MAP7: variants seen among roughly 807,000 people sequenced by gnomAD.
The protein encoded by MAP7 is microtubule associated protein 7.
In MAP7, 52 loss-of-function variants were observed where a neutral mutation model predicts 94.8. The ratio of observed to expected loss-of-function variants is 0.55; its 90% CI spans 0.44 to 0.69. The LOEUF (loss-of-function observed/expected upper bound fraction) is 0.69, where lower values mean the gene tolerates loss of function less well. Among genes scored for constraint, MAP7 ranks in the 30% least tolerant of loss-of-function variants. MAP7 has a pLI of 0.00. For missense variants in MAP7, 940 were observed against 964.6 expected, an observed-to-expected ratio of 0.97 and a Z score of 0.34; for synonymous variants, 350 against 357.0, an observed-to-expected ratio of 0.98 and a Z score of 0.22.
At chr6:136,438,361 C>G (rs1303035115) in intron 1 of MAP7, among the ~76,000 whole-genome samples, 1 of 152,196 alleles carries the variant, frequency 6.6e-6, no homozygotes. Flanking sequence ...CAGAAAGGGT[C>G]TGAATCTAAC....
At chr6:136,463,412 G>GA (rs1269755836) in intron 1 of MAP7, among the ~76,000 whole-genome samples, 5 of 152,116 alleles carry the variant, frequency 3.3e-5, no homozygotes, top group Non-Finnish European at 7.4e-5. Context: ...GCTAAATTGT[G>GA]AATAAAATCC....
At chr6:136,536,016 G>A (rs920858897) in intron 1 of MAP7, among the ~76,000 whole-genome samples, 8 of 151,900 alleles carry the variant, frequency 5.3e-5, no homozygotes, top group Non-Finnish European at 1.2e-4. Context: ...TTGTCCTGGC[G>A]ATAGTTTGTT....
intron 1 of MAP7, among the ~76,000 whole-genome samples, chr6:136,450,081 CAGA>C (rs1800629759): frequency 6.6e-6 from 1 of 152,128 alleles, no homozygotes; most frequent in South Asian, 2.1e-4. Context: ...CCCAGCTACT[CAGA>C]AGGCTGAGGC....
At chr6:136,418,911 G>C (rs944651877) in intron 2 of MAP7, among the ~76,000 whole-genome samples, 1 of 152,120 alleles carries the variant, frequency 6.6e-6, no homozygotes, top group Non-Finnish European at 1.5e-5. Context: ...TGACATGGTG[G>C]TTACTAAATC....
intron 1 of MAP7, chr6:136,525,726 C>T: frequency 7.8e-7 from 1 of 1,279,162 alleles, no homozygotes; most frequent in Non-Finnish European, 1.0e-6. Flanking sequence ...GTCACAAGCA[C>T]TCCCTGGAGC....
At chr6:136,438,401 T>C (rs1475759912) in intron 1 of MAP7, among the ~76,000 whole-genome samples, 1 of 152,238 alleles carries the variant, frequency 6.6e-6, no homozygotes, top group African/African-American at 2.4e-5. Flanking sequence ...TGCTTGGTTT[T>C]CATTCATCAT....
chr6:136,463,194 T>C (rs1363512800), intron 1 of MAP7, among the ~76,000 whole-genome samples: 5 of 152,250 alleles, frequency 3.3e-5, no homozygotes, highest in African/African-American at 9.6e-5. Flanking sequence ...ATGATACTTA[T>C]GAAGAATTAA....
At chr6:136,418,746 C>CT (rs1334031653) in intron 2 of MAP7, among the ~76,000 whole-genome samples, 2,175 of 150,400 alleles carry the variant, frequency 0.014, 49 homozygotes, top group African/African-American at 0.05. Context: ...ATATAATGAA[C>CT]TTTTTTTTTT....
intron 1 of MAP7, among the ~76,000 whole-genome samples, chr6:136,472,847 A>T (rs1031230457): frequency 4.6e-5 from 7 of 152,100 alleles, no homozygotes; most frequent in African/African-American, 1.7e-4. Context: ...AAAAAAATAA[A>T]TAAAAATAAA....
At chr6:136,525,884 G>A in intron 1 of MAP7, 1 of 1,535,398 alleles carries the variant, frequency 6.5e-7, no homozygotes, top group Non-Finnish European at 8.7e-7. Flanking sequence ...CCTCATTAAT[G>A]GTGAATAAAC....
intron 7 of MAP7, among the ~76,000 whole-genome samples, chr6:136,374,468 C>T (rs993362591): frequency 2.0e-5 from 3 of 152,162 alleles, no homozygotes; most frequent in Non-Finnish European, 4.4e-5. Flanking sequence ...AGGGCACAGC[C>T]GGAGGCCATT....
intron 1 of MAP7, among the ~76,000 whole-genome samples, chr6:136,458,315 T>A (rs902596200): frequency 1.1e-4 from 16 of 152,120 alleles, no homozygotes; most frequent in Non-Finnish European, 2.2e-4. Context: ...TGGTTATGGA[T>A]GGGAAAACTT....
chr6:136,501,102 T>C (rs535202521), intron 1 of MAP7, among the ~76,000 whole-genome samples: 110 of 152,328 alleles, frequency 7.2e-4, no homozygotes, highest in Middle Eastern at 3.4e-3. Flanking sequence ...TAAAGAATAA[T>C]ATTATTTCCA....
intron 1 of MAP7, among the ~76,000 whole-genome samples, chr6:136,440,334 G>A (rs1284325000): frequency 2.6e-5 from 4 of 152,030 alleles, no homozygotes; most frequent in East Asian, 3.9e-4. Context: ...AGATCTCTAC[G>A]GGAACACAGA....
At chr6:136,462,340 G>A (rs1179909922) in intron 1 of MAP7, among the ~76,000 whole-genome samples, 1 of 152,122 alleles carries the variant, frequency 6.6e-6, no homozygotes, top group Non-Finnish European at 1.5e-5. Flanking sequence ...CAGAACTTGA[G>A]CATTTTTAGG....
At chr6:136,549,881 C>T (rs1031705091) in intron 1 of MAP7, among the ~76,000 whole-genome samples, 1 of 152,228 alleles carries the variant, frequency 6.6e-6, no homozygotes, top group Non-Finnish European at 1.5e-5. Context: ...GCCCCCGGCA[C>T]CCGGGGCGAC....
intron 1 of MAP7, among the ~76,000 whole-genome samples, chr6:136,430,738 T>C (rs747710638): frequency 7.2e-5 from 11 of 152,186 alleles, no homozygotes; most frequent in Non-Finnish European, 1.5e-4. Flanking sequence ...TGTGCTGCAG[T>C]CATTTCTGTA....
chr6:136,487,712 G>GAA (rs112663268), intron 1 of MAP7, among the ~76,000 whole-genome samples: 11 of 143,906 alleles, frequency 7.6e-5, no homozygotes, highest in African/African-American at 2.5e-4. Context: ...TGATCTCCAG[G>GAA]AAAAAAAAAA....
Position 136,493,102 on chromosome 6 carries a change from T to G in MAP7, c.67+57240A>C, listed in dbSNP as rs1362758055. Among the ~76,000 whole-genome samples the G allele has an allele frequency of 3.3e-5, 5 of 151,552 alleles. No individual in the cohort carries two copies. The South Asian group carries it at 6.2e-4, about 19-fold the overall frequency. On this transcript the variant is annotated intron_variant, in intron 1 of 17. Coordinates refer to ENST00000354570, the MANE Select transcript of MAP7 (RefSeq NM_003980.6). Reference sequence around the variant, plus strand: ...TCATGTGTCTTCCCAGTTTTTTTTTTGTGCTCTTTTCTTCTTTCCTTTTTT... The same window carrying G: ...TCATGTGTCTTCCCAGTTTTTTTTTGGTGCTCTTTTCTTCTTTCCTTTTTT...
Sources: allele counts gnomAD v4.1 joint callset (sites outside exome capture counted in the v4.1 genomes callset), GRCh38; gene constraint gnomAD v4.1.1; transcripts MANE v1.5; gene names NCBI Gene and HGNC (gene_info 2026-07-23, HGNC 2026-07-21).